USP32: variants seen among roughly 807,000 people sequenced by gnomAD.
The protein encoded by USP32 is ubiquitin carboxyl-terminal hydrolase 32.
Under a neutral mutation model 204.8 loss-of-function variants are expected in USP32, and 59 were observed. That is an observed-to-expected ratio of 0.29 (90% CI 0.23 to 0.36). USP32 has a LOEUF of 0.36. Among genes scored for constraint, USP32 ranks in the 10% least tolerant of loss-of-function variants. The pLI is 1.00. For missense variants in USP32, 1,160 were observed against 1,946.4 expected, an observed-to-expected ratio of 0.60 and a Z score of 7.60; for synonymous variants, 517 against 678.4, an observed-to-expected ratio of 0.76 and a Z score of 3.70.
intron 1 of USP32, among the ~76,000 whole-genome samples, chr17:60,408,147 A>G (rs945060775): frequency 1.2e-4 from 18 of 152,094 alleles, no homozygotes; most frequent in Admixed American, 7.9e-4. Flanking sequence ...CTGAGATCCA[A>G]TAAAAAATTA....
chr17:60,348,958 T>C (rs1158411096), intron 1 of USP32, among the ~76,000 whole-genome samples: 1 of 152,082 alleles, frequency 6.6e-6, no homozygotes, highest in Non-Finnish European at 1.5e-5. Flanking sequence ...GGATTTATAA[T>C]ATTAACATTT....
chr17:60,248,748 T>C (rs1033812670), intron 11 of USP32, among the ~76,000 whole-genome samples: 1 of 152,238 alleles, frequency 6.6e-6, no homozygotes, highest in Non-Finnish European at 1.5e-5. Flanking sequence ...TTTAGCTCTT[T>C]GAAAACATTT....
chr17:60,384,277 A>C (rs569880428), intron 1 of USP32, among the ~76,000 whole-genome samples: 2 of 152,346 alleles, frequency 1.3e-5, no homozygotes, highest in African/African-American at 4.8e-5. Flanking sequence ...CCAAAAGGCA[A>C]CCATAGCAAA....
chr17:60,333,527 G>A (rs1482825735), intron 2 of USP32, among the ~76,000 whole-genome samples: 2 of 152,192 alleles, frequency 1.3e-5, no homozygotes, highest in Non-Finnish European at 2.9e-5. Flanking sequence ...TTGAACCCGG[G>A]AGGTGGAGGT....
intron 1 of USP32, among the ~76,000 whole-genome samples, chr17:60,379,090 T>C (rs1264763021): frequency 6.6e-6 from 1 of 152,164 alleles, no homozygotes; most frequent in Non-Finnish European, 1.5e-5. Flanking sequence ...GAAAATATAA[T>C]ACTGATCATG....
chr17:60,294,383 AGT>A lies in USP32; in HGVS notation c.411+298_411+299del, dbSNP rs60195146. Among the ~76,000 whole-genome samples, 379 of 145,722 alleles carry A rather than the reference AGT, an allele frequency of 2.6e-3. 2 individuals are homozygous for A. The highest frequency in any genetic ancestry group is 4.4e-3 in the African/African-American group (175 of 39,684). ...GAGCACTGTTTCAGGTTCCTGCAGG[AGT>A]GTGTGTGTGTGTGTGTGTGTGTGTA... On this transcript the variant is annotated intron_variant, in intron 4 of 33. Transcript: ENST00000300896.
rs2088188916 is a variant in USP32, at chr17:60,324,663, A to G, written c.186+20818T>C. The stretch of plus-strand genomic sequence containing the variant: ...CAACAGAAATAAAAAATACATTTTG[A>G]AAAGCAATGTAAAAAATTAAACTTT... On this transcript the variant is annotated intron_variant, in intron 2 of 33. Transcript: ENST00000300896. Among the ~76,000 whole-genome samples the G allele has an allele frequency of 1.3e-5, 2 of 152,192 alleles. 1 individual carries two copies. Among genetic ancestry groups the G allele is most frequent in the South Asian group, 4.1e-4 (2 of 4,832 alleles).
chr17:60,409,454 A>G (rs540943152), intron 1 of USP32, among the ~76,000 whole-genome samples: 5 of 152,348 alleles, frequency 3.3e-5, no homozygotes, highest in Admixed American at 2.0e-4. Flanking sequence ...GAAAAATTCA[A>G]CATGGCAGCT....
intron 1 of USP32, among the ~76,000 whole-genome samples, chr17:60,379,761 C>A (rs555246449): frequency 5.6e-4 from 86 of 152,234 alleles, no homozygotes; most frequent in African/African-American, 1.8e-3. Context: ...TAAATGAGAG[C>A]AAAAGGTTAT....
At chr17:60,363,190 C>T (rs2089244530) in intron 1 of USP32, among the ~76,000 whole-genome samples, 1 of 151,670 alleles carries the variant, frequency 6.6e-6, no homozygotes, top group Non-Finnish European at 1.5e-5. Context: ...CGCGGTGGCT[C>T]ACACCTGTAA....
intron 5 of USP32, among the ~76,000 whole-genome samples, chr17:60,276,946 C>CATATATATATATATATATATAT (rs35211470): frequency 4.6e-4 from 65 of 140,728 alleles, no homozygotes; most frequent in African/African-American, 1.8e-3. Context: ...ATTACATATA[C>CATATATATATATATATATATAT]ATATATATAT....
At chr17:60,362,029 T>C (rs2089217846) in intron 1 of USP32, among the ~76,000 whole-genome samples, 1 of 152,194 alleles carries the variant, frequency 6.6e-6, no homozygotes, top group Non-Finnish European at 1.5e-5. Flanking sequence ...ACAATACACA[T>C]GGTTAGTACA....
chr17:60,361,968 A>G (rs1213127384), intron 1 of USP32, among the ~76,000 whole-genome samples: 4 of 152,196 alleles, frequency 2.6e-5, no homozygotes, highest in African/African-American at 9.6e-5. Flanking sequence ...CTAAAAGTGG[A>G]TCCACTCTTC....
chr17:60,344,126 C>CT (rs1434371470), intron 2 of USP32, among the ~76,000 whole-genome samples: 8 of 140,952 alleles, frequency 5.7e-5, no homozygotes, highest in African/African-American at 2.2e-4. Flanking sequence ...CCTAAAATTC[C>CT]TATTTTTTTT....
At chr17:60,409,815 C>T (rs2090005115) in intron 1 of USP32, among the ~76,000 whole-genome samples, 1 of 152,136 alleles carries the variant, frequency 6.6e-6, no homozygotes, top group African/African-American at 2.4e-5. Flanking sequence ...AATACACTAA[C>T]ACTAATGATA....
chr17:60,205,105 T>A (rs1268818854), intron 26 of USP32, among the ~76,000 whole-genome samples: 1 of 152,120 alleles, frequency 6.6e-6, no homozygotes, highest in Non-Finnish European at 1.5e-5. Context: ...GAGACACAAA[T>A]TTCTAAAGAA....
chr17:60,239,570 T>C (rs916572267), intron 11 of USP32, among the ~76,000 whole-genome samples: 3 of 152,214 alleles, frequency 2.0e-5, no homozygotes, highest in Admixed American at 2.0e-4. Context: ...CTCTGATTCA[T>C]TCTTCTGCCT....
chr17:60,311,546 G>C (rs1168542643), intron 2 of USP32, among the ~76,000 whole-genome samples: 1 of 152,182 alleles, frequency 6.6e-6, no homozygotes, highest in East Asian at 1.9e-4. Context: ...ATGTAGGCCG[G>C]GCACAGTGGC....
upstream of USP32, chr17:60,392,245 G>C: frequency 2.9e-6 from 1 of 347,328 alleles, no homozygotes; most frequent in Non-Finnish European, 5.3e-6. Context: ...GCCCCCTCCC[G>C]CCAGCTCCGC....
Sources: gnomAD v4.1 joint callset for allele counts (sites outside exome capture counted in the v4.1 genomes callset) on GRCh38, gnomAD v4.1.1 for gene constraint, MANE v1.5 for transcripts, NCBI Gene and HGNC (gene_info 2026-07-23, HGNC 2026-07-21) for gene names.